The following GATAD2A variants were observed in gnomAD, a reference collection of about 807,000 sequenced individuals.
The protein encoded by GATAD2A is transcriptional repressor p66-alpha.
Under a neutral mutation model 68.5 loss-of-function variants are expected in GATAD2A, and 12 were observed. The observed-to-expected ratio is 0.18, with a 90% CI of 0.11 to 0.28. The LOEUF (loss-of-function observed/expected upper bound fraction) is 0.28. Among genes scored for constraint, GATAD2A ranks in the 10% least tolerant of loss-of-function variants. GATAD2A has a pLI of 1.00. For synonymous variants in GATAD2A, 410 were observed against 375.3 expected (o/e 1.09, Z -1.07); for missense variants, 755 against 868.5 (o/e 0.87, Z 1.64).
upstream of GATAD2A, among the ~76,000 whole-genome samples, chr19:19,405,237 C>T (rs1265609535): frequency 6.6e-6 from 1 of 152,226 alleles, no homozygotes; most frequent in Non-Finnish European, 1.5e-5. Context: ...ACACCCCGCC[C>T]TCCCCACAGA....
At chr19:19,424,812 C>G (rs901539753) in intron 1 of GATAD2A, among the ~76,000 whole-genome samples, 2 of 151,968 alleles carry the variant, frequency 1.3e-5, no homozygotes, top group Non-Finnish European at 2.9e-5. Flanking sequence ...GGTGTTGTTC[C>G]TGCTTGAAAA....
At chr19:19,474,231 C>G (rs1206392047) in intron 2 of GATAD2A, 3 of 896,380 alleles carry the variant, frequency 3.3e-6, no homozygotes, top group Non-Finnish European at 1.3e-6. Flanking sequence ...GAGGTCGACA[C>G]TGGAATTGCC....
At chr19:19,470,872 A>C (rs1460716222) in intron 2 of GATAD2A, among the ~76,000 whole-genome samples, 1 of 152,246 alleles carries the variant, frequency 6.6e-6, no homozygotes, top group African/African-American at 2.4e-5. Flanking sequence ...TTGTAAACTT[A>C]CCGTATGACT....
At position 19,495,952 on chromosome 19, in the gene GATAD2A, C is replaced by T. The variant is rs58845328; in HGVS notation, c.756+67C>T. On this transcript the variant is annotated intron_variant, in intron 6 of 11. Coordinates refer to ENST00000683918, the MANE Select transcript of GATAD2A (RefSeq NM_001384528.1). ...GCAGTCGTCTACCTTGAAAGTAGGG[C>T]CCTTCCCAGTCCTTGGGGGCAAGGT... The T allele has an allele frequency of 3.9e-3, 6,232 of 1,585,858 alleles. 185 individuals carry two copies. The African/African-American group carries it at 0.073, about 18-fold the overall frequency.
chr19:19,450,861 C>G (rs555652318), intron 1 of GATAD2A, among the ~76,000 whole-genome samples: 2 of 151,806 alleles, frequency 1.3e-5, no homozygotes, highest in South Asian at 4.2e-4. Flanking sequence ...ACCTCCGCCT[C>G]CCGGTTTCAA....
intron 1 of GATAD2A, among the ~76,000 whole-genome samples, chr19:19,398,550 C>A (rs1212037554): frequency 6.6e-6 from 1 of 150,634 alleles, no homozygotes; most frequent in Non-Finnish European, 1.5e-5. Flanking sequence ...CCAGGCTGGT[C>A]TCAAACTTCT....
chr19:19,393,441 A>T (rs142234839), intron 1 of GATAD2A, among the ~76,000 whole-genome samples: 1 of 152,246 alleles, frequency 6.6e-6, no homozygotes, highest in Non-Finnish European at 1.5e-5. Context: ...CTTCTGGCCC[A>T]TGTAACTTCC....
At chr19:19,483,716 G>A (rs898672526) in intron 2 of GATAD2A, among the ~76,000 whole-genome samples, 21 of 151,696 alleles carry the variant, frequency 1.4e-4, no homozygotes, top group Non-Finnish European at 2.4e-4. Context: ...CCGGGTTCAC[G>A]CCATTCTGCT....
intron 1 of GATAD2A, among the ~76,000 whole-genome samples, chr19:19,460,848 C>T (rs551852755): frequency 5.9e-5 from 9 of 152,332 alleles, no homozygotes; most frequent in African/African-American, 1.7e-4. Context: ...TCCTCCCCTC[C>T]GGCCTGGGCC....
intron 2 of GATAD2A, among the ~76,000 whole-genome samples, chr19:19,477,630 T>G (rs1224503118): frequency 1.3e-5 from 2 of 152,016 alleles, no homozygotes; most frequent in African/African-American, 2.4e-5. Flanking sequence ...TGGGATAGAT[T>G]GTTGGATGCA....
At position 19,465,623 on chromosome 19, in the gene GATAD2A, G is replaced by T. The variant is rs752139591; in HGVS notation, c.269+9G>T. On this transcript the variant is annotated intron_variant, in intron 2 of 11. Transcript: ENST00000683918. Reference sequence around the variant, plus strand: ...ATGCGCACCTCACACAGGTGAGTGGGAGGAGCCAGCGGGAGGGGCTGGAAC... The same window carrying T: ...ATGCGCACCTCACACAGGTGAGTGGTAGGAGCCAGCGGGAGGGGCTGGAAC... 6.3e-7 allele frequency: 1 copy of T among 1,597,442 alleles called. No homozygotes were observed. The highest frequency in any genetic ancestry group is 1.8e-5 in the Admixed American group (1 of 56,910).
intron 2 of GATAD2A, among the ~76,000 whole-genome samples, chr19:19,480,507 G>A (rs10407522): frequency 0.076 from 11,543 of 152,302 alleles, 1,500 homozygotes; most frequent in African/African-American, 0.26. Context: ...GAATGCTCAC[G>A]CGAGCGTTTC....
At chr19:19,448,644 A>G (rs1193949456) in intron 1 of GATAD2A, among the ~76,000 whole-genome samples, 2 of 152,060 alleles carry the variant, frequency 1.3e-5, no homozygotes, top group East Asian at 1.9e-4. Flanking sequence ...GCCCACCACC[A>G]TGCTGGCTAA....
At position 19,505,982 on chromosome 19, in the gene GATAD2A, T is replaced by G; in HGVS notation, c.*508T>G. 1 of 399,222 alleles carries G rather than the reference T, an allele frequency of 2.5e-6. No homozygotes were observed. The highest frequency in any genetic ancestry group is 3.6e-5 in the East Asian group (1 of 28,074). 24.7% of individuals were successfully genotyped at this position (399,222 alleles called of 1,614,324 possible). On this transcript the variant is annotated 3_prime_UTR_variant, in exon 12 of 12. Transcript: ENST00000683918. ...ATCTATAAGTTGAAAGATTTTTTTT[T>G]TTTTTAATCACCTCATGATGATGGA...
intron 1 of GATAD2A, among the ~76,000 whole-genome samples, chr19:19,411,955 A>G (rs1313421022): frequency 6.6e-6 from 1 of 152,070 alleles, no homozygotes; most frequent in Non-Finnish European, 1.5e-5. Flanking sequence ...GAGTCAGGTC[A>G]AGGCCGGGCG....
intron 1 of GATAD2A, among the ~76,000 whole-genome samples, chr19:19,419,120 A>G (rs944404004): frequency 6.6e-6 from 1 of 151,888 alleles, no homozygotes; most frequent in African/African-American, 2.4e-5. Context: ...TGCTCTGCTC[A>G]TTGCCTCACA....
At chr19:19,439,154 C>T (rs1470799416) in intron 1 of GATAD2A, among the ~76,000 whole-genome samples, 1 of 152,254 alleles carries the variant, frequency 6.6e-6, no homozygotes, top group African/African-American at 2.4e-5. Context: ...ACACAGTCTA[C>T]ACACAACTCC....
chr19:19,447,782 G>A (rs984977564), intron 1 of GATAD2A, among the ~76,000 whole-genome samples: 1 of 152,238 alleles, frequency 6.6e-6, no homozygotes, highest in Admixed American at 6.5e-5. Context: ...AGCCCACAGC[G>A]TCACCACGTT....
At chr19:19,471,910 T>G (rs2058339508) in intron 2 of GATAD2A, among the ~76,000 whole-genome samples, 2 of 152,274 alleles carry the variant, frequency 1.3e-5, no homozygotes, top group South Asian at 2.1e-4. Context: ...GGTTCTCTGT[T>G]TTTTGGAGTT....
Sources: allele counts gnomAD v4.1 joint callset (sites outside exome capture counted in the v4.1 genomes callset), GRCh38; gene constraint gnomAD v4.1.1; transcripts MANE v1.5; gene names NCBI Gene and HGNC (gene_info 2026-07-23, HGNC 2026-07-21).